Variants in ERBB4 observed in about 807,000 individuals in gnomAD.
The protein encoded by ERBB4 is erb-b2 receptor tyrosine kinase 4.
Under a neutral mutation model 158.0 loss-of-function variants are expected in ERBB4, and 42 were observed. The observed-to-expected ratio is 0.27, with a 90% confidence interval of 0.21 to 0.34. The LOEUF is 0.34. Ranked by LOEUF, ERBB4 falls within the 10% of genes least tolerant of loss-of-function variation. The pLI, the probability that ERBB4 is intolerant of heterozygous loss-of-function variation, is 1.00. For missense variants in ERBB4, 1,333 were observed against 1,624.1 expected, an observed-to-expected ratio of 0.82 and a Z score of 3.08; for synonymous variants, 583 against 558.7, an observed-to-expected ratio of 1.04 and a Z score of -0.61.
chr2:211,702,016 T>C lies in ERBB4; in HGVS notation c.1440A>G (p.Thr480=). The C allele has an allele frequency of 6.2e-7, 1 of 1,614,114 alleles. No individual in the cohort carries two copies. The highest frequency in any genetic ancestry group is 8.5e-7 in the Non-Finnish European group (1 of 1,179,984). The change falls in exon 12 of 28, where the codon ACA becomes ACG. Residue 480 remains threonine, a synonymous_variant. Coordinates refer to ENST00000342788, the MANE Select transcript of ERBB4 (RefSeq NM_005235.3). ...HTINWTTLFS[T]INQRIVIRDN... ...CCCGGATTACTATTCTCTGGTTGAT[T>C]GTGCTGAAGAGTGTTGTCCAGTTAA...
At chr2:212,372,204 T>G (rs1489456887) in intron 1 of ERBB4, among the ~76,000 whole-genome samples, 2 of 152,078 alleles carry the variant, frequency 1.3e-5, no homozygotes, top group African/African-American at 4.8e-5. Context: ...AGACACAAAG[T>G]ATAGCTATGT....
At chr2:212,188,239 C>CCCCCCCT (rs1284169772) in intron 1 of ERBB4, among the ~76,000 whole-genome samples, 2 of 14,372 alleles carry the variant, frequency 1.4e-4, no homozygotes, top group Non-Finnish European at 2.4e-4. Flanking sequence ...TCTCTCCCCC[C>CCCCCCCT]CCCTCTCACC....
intron 3 of ERBB4, among the ~76,000 whole-genome samples, chr2:211,885,938 T>C (rs1237058139): frequency 1.3e-5 from 2 of 152,210 alleles, no homozygotes; most frequent in Non-Finnish European, 2.9e-5. Context: ...AGTTATATGC[T>C]AGTTGAAAGA....
intron 3 of ERBB4, among the ~76,000 whole-genome samples, chr2:211,883,766 T>A (rs965832580): frequency 1.3e-5 from 2 of 152,166 alleles, no homozygotes; most frequent in Admixed American, 6.5e-5. Context: ...CACTCCAGCC[T>A]GGGCGATAGA....
At position 211,879,985 on chromosome 2, in the gene ERBB4, AC is replaced by A. The variant is rs987574143; in HGVS notation, c.421+67444del. 1.3e-3 allele frequency among the ~76,000 whole-genome samples: 202 copies of A among 150,628 alleles called. 1 individual carries two copies. Among genetic ancestry groups the A allele is most frequent in the African/African-American group, 4.8e-3 (198 of 41,284 alleles). ...CTCAATATATTATTAATATATATTA[AC>A]AAAAATAAATATATAAATAAAGCAT... On this transcript the variant is annotated intron_variant, in intron 3 of 27. Coordinates refer to ENST00000342788, the MANE Select transcript of ERBB4 (RefSeq NM_005235.3).
chr2:211,642,621 C>T (rs1407112774), intron 16 of ERBB4, among the ~76,000 whole-genome samples: 2 of 152,018 alleles, frequency 1.3e-5, no homozygotes. Context: ...AAACATAAGT[C>T]CTTTAAGTGC....
intron 1 of ERBB4, among the ~76,000 whole-genome samples, chr2:212,373,906 TGTATATATCCATATATATATATCC>T (rs2106391895): frequency 9.6e-6 from 1 of 103,954 alleles, no homozygotes; most frequent in Admixed American, 1.0e-4. Flanking sequence ...TATATATCCA[TGTATATATCCATATATATATATCC>T]ATATATATCC....
intron 1 of ERBB4, among the ~76,000 whole-genome samples, chr2:212,243,565 A>G (rs2084196695): frequency 6.6e-6 from 1 of 152,162 alleles, no homozygotes; most frequent in South Asian, 2.1e-4. Context: ...TATCACTGTG[A>G]TCTTCTTTTT....
chr2:212,005,410 G>GA lies in ERBB4; in HGVS notation c.235-57795dup, dbSNP rs200076048. On this transcript the variant is annotated intron_variant, in intron 2 of 27. Transcript: ENST00000342788. ...ACAAAGTGCTAAGCACAAATAATAA[G>GA]AAAAAAAATCCACATGGTCAAAGAA... Among the ~76,000 whole-genome samples the GA allele has an allele frequency of 8.1e-3, 1,234 of 151,712 alleles. 14 individuals are homozygous for GA. The highest frequency in any genetic ancestry group is 0.028 in the African/African-American group (1,172 of 41,376).
chr2:211,383,768 G>A lies in ERBB4; in HGVS notation c.3774C>T (p.Tyr1258=), dbSNP rs2125309418. 2 of 1,614,132 alleles carry A rather than the reference G, an allele frequency of 1.2e-6. No individual in the cohort carries two copies. Among genetic ancestry groups the A allele is most frequent in the Non-Finnish European group, 1.7e-6 (2 of 1,180,028 alleles). Residue 1258 remains tyrosine, a synonymous_variant, in exon 28 of 28, where the codon TAC becomes TAT. Transcript: ENST00000342788. ...PPRSTLQHPD[Y]LQEYSTKYFY... is the part of the protein sequence containing the mutation. ...AATATTTTGTGCTGTACTCCTGCAG[G>A]TAGTCTGGGTGCTGAAGGGTGCTCC...
intron 19 of ERBB4, among the ~76,000 whole-genome samples, chr2:211,565,798 G>A (rs1386186737): frequency 1.3e-5 from 2 of 152,150 alleles, no homozygotes; most frequent in African/African-American, 4.8e-5. Context: ...CACGCCTGGA[G>A]AAAGGAGTGA....
intron 16 of ERBB4, among the ~76,000 whole-genome samples, chr2:211,649,292 A>G (rs908018868): frequency 6.6e-6 from 1 of 151,884 alleles, no homozygotes; most frequent in African/African-American, 2.4e-5. Flanking sequence ...CTGTTTTTAT[A>G]TGCTTGTCAT....
intron 1 of ERBB4, among the ~76,000 whole-genome samples, chr2:212,385,518 C>A (rs1466188235): frequency 6.6e-6 from 1 of 151,800 alleles, no homozygotes; most frequent in Non-Finnish European, 1.5e-5. Context: ...TTAAGCAACT[C>A]TCTTCTTGAT....
At chr2:212,173,831 T>C (rs2081587120) in intron 1 of ERBB4, among the ~76,000 whole-genome samples, 1 of 152,082 alleles carries the variant, frequency 6.6e-6, no homozygotes, top group Non-Finnish European at 1.5e-5. Flanking sequence ...ATCTCTTGCA[T>C]ACAGCCAAAG....
At chr2:211,493,349 A>G (rs1018747261) in intron 20 of ERBB4, among the ~76,000 whole-genome samples, 1 of 152,156 alleles carries the variant, frequency 6.6e-6, no homozygotes, top group Non-Finnish European at 1.5e-5. Flanking sequence ...ACAAAACAAT[A>G]AAGTGCCTTC....
intron 13 of ERBB4, among the ~76,000 whole-genome samples, chr2:211,675,792 T>A (rs1289077195): frequency 1.1e-5 from 1 of 93,570 alleles, no homozygotes; most frequent in Non-Finnish European, 2.8e-5. Context: ...AAATATAATA[T>A]TATATATATA....
chr2:212,009,886 A>G (rs1007843618), intron 2 of ERBB4, among the ~76,000 whole-genome samples: 6 of 152,206 alleles, frequency 3.9e-5, no homozygotes, highest in African/African-American at 1.4e-4. Context: ...CTTTAGAAAT[A>G]TAACATCTCT....
At chr2:211,459,859 T>A (rs545469948) in intron 20 of ERBB4, among the ~76,000 whole-genome samples, 1 of 152,062 alleles carries the variant, frequency 6.6e-6, no homozygotes, top group Non-Finnish European at 1.5e-5. Flanking sequence ...AAAATGAACA[T>A]TGGTTTGAAT....
chr2:212,000,491 G>A (rs753604936), intron 2 of ERBB4, among the ~76,000 whole-genome samples: 1 of 151,840 alleles, frequency 6.6e-6, no homozygotes, highest in Non-Finnish European at 1.5e-5. Context: ...GGAAAAGAAG[G>A]TGAAGTTCTA....
Sources: gnomAD v4.1 joint callset for allele counts (sites outside exome capture counted in the v4.1 genomes callset) on GRCh38, gnomAD v4.1.1 for gene constraint, MANE v1.5 for transcripts, NCBI Gene and HGNC (gene_info 2026-07-23, HGNC 2026-07-21) for gene names.